ZXDC: variants seen among roughly 807,000 people sequenced by gnomAD.
The protein encoded by ZXDC is ZXD family zinc finger C.
Under a neutral mutation model 63.6 loss-of-function variants are expected in ZXDC, and 58 were observed. The observed-to-expected ratio is 0.91, with a 90% CI of 0.74 to 1.13. ZXDC has a LOEUF of 1.13. Ranked by LOEUF, ZXDC falls within the 50% of genes most tolerant of loss-of-function variation. The probability of loss-of-function intolerance (pLI) is 0.00; values close to 1 mark genes in which losing one functional copy is unlikely to be tolerated. For synonymous variants in ZXDC, 561 were observed against 496.1 expected (o/e 1.13, Z -1.74); for missense variants, 1,133 against 1,148.9 (o/e 0.99, Z 0.20).
intron 9 of ZXDC, among the ~76,000 whole-genome samples, chr3:126,438,907 T>C (rs553026518): frequency 6.6e-6 from 1 of 152,262 alleles, no homozygotes; most frequent in African/African-American, 2.4e-5. Flanking sequence ...TGTTGCACCA[T>C]TTGACTCCGG....
chr3:126,472,205 G>C lies in ZXDC; in HGVS notation c.1008C>G (p.Ser336Arg), dbSNP rs1935006622. The change falls in exon 2 of 10, where the codon AGC (serine) becomes AGG (arginine). Residue 336 changes from serine (S) to arginine (R), a missense_variant. Ser to Arg is a moderately radical substitution (Grantham distance 110). Coordinates refer to ENST00000389709, the MANE Select transcript of ZXDC (RefSeq NM_025112.5). ...GCCGACAGGCTTTATCATACTGCTTGCTGCACCCAGGAAAGGAGCAGGAAA... is the reference window on the plus strand; with the variant it reads ...GCCGACAGGCTTTATCATACTGCTTCCTGCACCCAGGAAAGGAGCAGGAAA... Reference protein sequence around the residue: ...ELFSCSFPGCSKQYDKACRLK... With the variant: ...ELFSCSFPGCRKQYDKACRLK... 6.2e-7 allele frequency: 1 copy of C among 1,613,444 alleles called. No individual in the cohort carries two copies.
chr3:126,445,364 T>A (rs911106370), intron 7 of ZXDC, among the ~76,000 whole-genome samples: 1 of 151,920 alleles, frequency 6.6e-6, no homozygotes, highest in African/African-American at 2.4e-5. Flanking sequence ...AAGCAGAACA[T>A]CTCAGCGTCC....
intron 7 of ZXDC, among the ~76,000 whole-genome samples, chr3:126,444,954 C>G (rs1430279299): frequency 6.6e-6 from 1 of 152,170 alleles, no homozygotes. Context: ...ACTTGTATTA[C>G]TTTTACAACA....
In ZXDC at chr3:126,475,212, G is replaced by A. The variant is rs1274567482; in HGVS notation, c.654C>T (p.Ala218=). ...GCTTGAGCTTGTAGGACGTTGTGAA[G>A]GCCCAACCACAGCCCTCCAGTGGGC... ...FKCPLEGCGW[A]FTTSYKLKRH... The change falls in exon 1 of 10, where the codon GCC becomes GCT. Residue 218 remains alanine, a synonymous_variant. Coordinates refer to ENST00000389709, the MANE Select transcript of ZXDC (RefSeq NM_025112.5). 1.4e-5 allele frequency: 22 copies of A among 1,579,644 alleles called. No individual in the cohort carries two copies. The highest frequency in any genetic ancestry group is 1.7e-5 in the Non-Finnish European group (20 of 1,162,686).
chr3:126,438,994 C>G (rs955014167), intron 9 of ZXDC, among the ~76,000 whole-genome samples: 1 of 152,226 alleles, frequency 6.6e-6, no homozygotes, highest in Non-Finnish European at 1.5e-5. Flanking sequence ...ATGGAGCAGA[C>G]ACTTCTGAAG....
At chr3:126,469,016 T>A (rs1297408716) in intron 4 of ZXDC, among the ~76,000 whole-genome samples, 1 of 152,202 alleles carries the variant, frequency 6.6e-6, no homozygotes, top group Non-Finnish European at 1.5e-5. Flanking sequence ...ATGTTTTCCA[T>A]ATGCGCTAAA....
intron 1 of ZXDC, among the ~76,000 whole-genome samples, chr3:126,473,335 C>A (rs1293885871): frequency 6.6e-6 from 1 of 152,192 alleles, no homozygotes; most frequent in Non-Finnish European, 1.5e-5. Flanking sequence ...ATCATTCCCA[C>A]TCCCTGGCTC....
At chr3:126,453,692 AT>A (rs988855336) in intron 7 of ZXDC, 50 of 984,470 alleles carry the variant, frequency 5.1e-5, no homozygotes, top group Admixed American at 1.2e-4. Context: ...ATTAGCTTTT[AT>A]TTTTTTTCTT....
rs557696559 is a variant in ZXDC at position 126,437,768 on chromosome 3, C to T, written c.*607G>A. ...CTATGAATTTAGTCTGGGAAGAGGG[C>T]TCCGTAATAGGCCACTGAGGTCCTC... On this transcript the variant is annotated 3_prime_UTR_variant, in exon 10 of 10. Coordinates refer to ENST00000389709, the MANE Select transcript of ZXDC (RefSeq NM_025112.5). 6.6e-6 allele frequency: 1 copy of T among 152,542 alleles called. No individual in the cohort carries two copies. Among genetic ancestry groups the T allele is most frequent in the South Asian group, 2.1e-4 (1 of 4,826 alleles). 9.4% of individuals were successfully genotyped at this position (152,542 alleles called of 1,614,324 possible).
rs764914888 is a variant in ZXDC at position 126,438,328 on chromosome 3, G to A, written c.*47C>T. ...GCTCATGTCATGAGTCTCAGGGAAG[G>A]TGTGTCCTAGACCGTGGCCTTGGGC... On this transcript the variant is annotated 3_prime_UTR_variant, in exon 10 of 10. Transcript: ENST00000389709. 54 of 1,517,794 alleles carry A rather than the reference G, an allele frequency of 3.6e-5. 2 individuals carry two copies. In the Admixed American group the frequency reaches 8.5e-4, roughly 24 times the overall value. 94.0% of individuals were successfully genotyped at this position (1,517,794 alleles called of 1,614,324 possible).
At chr3:126,454,268 C>T in intron 7 of ZXDC, 1 of 984,704 alleles carries the variant, frequency 1.0e-6, no homozygotes, top group Non-Finnish European at 1.2e-6. Context: ...AGTTTCTATA[C>T]ATTCAATTAT....
chr3:126,463,100 G>A (rs935394817), intron 5 of ZXDC, among the ~76,000 whole-genome samples: 2 of 151,062 alleles, frequency 1.3e-5, no homozygotes, highest in African/African-American at 2.4e-5. Flanking sequence ...AGGGAGTCTC[G>A]CTCTGTCGCC....
At position 126,438,464 on chromosome 3, in the gene ZXDC, G is replaced by T; in HGVS notation, c.2491-3C>A. On this transcript the variant is annotated splice_region_variant and splice_polypyrimidine_tract_variant and intron_variant, in intron 9 of 9. Transcript: ENST00000389709. Reference sequence around the variant, plus strand: ...CCTCCAGATGAGGGGAGCACCTCCTGCAAAACCAAGCATTGTCATGAAGAG... The same window carrying T: ...CCTCCAGATGAGGGGAGCACCTCCTTCAAAACCAAGCATTGTCATGAAGAG... The T allele has an allele frequency of 6.2e-7, 1 of 1,612,818 alleles. No individual in the cohort carries two copies. Among genetic ancestry groups the T allele is most frequent in the Non-Finnish European group, 8.5e-7 (1 of 1,179,286 alleles).
intron 7 of ZXDC, among the ~76,000 whole-genome samples, chr3:126,457,975 C>T (rs977575321): frequency 3.3e-5 from 5 of 152,178 alleles, no homozygotes; most frequent in African/African-American, 1.2e-4. Context: ...CTCGAAAGAA[C>T]AATCAGTTTC....
intron 4 of ZXDC, among the ~76,000 whole-genome samples, chr3:126,469,830 T>C (rs75036719): frequency 0.017 from 2,576 of 152,358 alleles, 78 homozygotes; most frequent in South Asian, 0.13. Flanking sequence ...GCTGAAACTC[T>C]GACGGAAGGA....
At chr3:126,439,806 C>T (rs1285218592) in intron 8 of ZXDC, 79 bp from the exon 9 acceptor site, 17 of 1,480,660 alleles carry the variant, frequency 1.1e-5, no homozygotes, top group Non-Finnish European at 1.5e-5. Context: ...GAGAAGTCTC[C>T]TCCAGCTGCA....
chr3:126,466,393 C>A, intron 4 of ZXDC, 68 bp from the exon 5 acceptor site: 1 of 1,589,102 alleles, frequency 6.3e-7, no homozygotes, highest in East Asian at 2.2e-5. Context: ...AGTGACACTT[C>A]CCCATCAGAT....
At chr3:126,465,974 T>G (rs1384051098) in intron 5 of ZXDC, among the ~76,000 whole-genome samples, 181 bp downstream of exon 5, 4 of 151,998 alleles carry the variant, frequency 2.6e-5, no homozygotes, top group Admixed American at 1.3e-4. Flanking sequence ...TGGGAGGGAT[T>G]AGAGGGTCAA....
chr3:126,470,402 G>A (rs1008933240), intron 4 of ZXDC, among the ~76,000 whole-genome samples: 78 of 152,342 alleles, frequency 5.1e-4, no homozygotes, highest in Middle Eastern at 3.4e-3. Flanking sequence ...GGGAGGCAGA[G>A]GTTGCAATGA....
Sources: gnomAD v4.1 joint callset for allele counts (sites outside exome capture counted in the v4.1 genomes callset) on GRCh38, gnomAD v4.1.1 for gene constraint, MANE v1.5 for transcripts, NCBI Gene and HGNC (gene_info 2026-07-23, HGNC 2026-07-21) for gene names.